Variants in NBEAL1 observed in about 807,000 individuals in gnomAD.
NBEAL1 encodes the protein neurobeachin-like protein 1.
A neutral mutation model predicts 351.3 loss-of-function variants in NBEAL1; 273 were observed. That is an observed-to-expected ratio of 0.78 (90% CI 0.70 to 0.86). The LOEUF is 0.86. Among genes scored for constraint, NBEAL1 ranks in the 40% least tolerant of loss-of-function variants. The pLI is 0.00. For synonymous variants in NBEAL1, 1,050 were observed against 1,086.4 expected (o/e 0.97, Z 0.66); for missense variants, 2,961 against 3,201.3 (o/e 0.92, Z 1.81).
chr2:203,189,640 G>C (rs997100563), intron 45 of NBEAL1, among the ~76,000 whole-genome samples: 75 of 151,974 alleles, frequency 4.9e-4, no homozygotes, highest in African/African-American at 1.7e-3. Context: ...TCCCGCCTCA[G>C]CCTCCCAAAG....
rs1044336842 is a variant in NBEAL1 at position 203,107,969 on chromosome 2, C to T, written c.1730C>T (p.Thr577Ile). 5 of 1,554,350 alleles carry T rather than the reference C, an allele frequency of 3.2e-6. No homozygotes were observed. The highest frequency in any genetic ancestry group is 4.4e-6 in the Non-Finnish European group (5 of 1,147,814). Residue 577 changes from threonine to isoleucine, a missense_variant, in exon 14 of 56, where the codon ACT becomes ATT. Physicochemically the swap from Thr to Ile is moderately conservative, Grantham distance 89. Transcript: ENST00000683969. ...TCTGAGTCTGTTCACCCTTATGTCA[C>T]TCCCGTGACTCGAGCAATCCTGACA... Reference protein sequence around the residue: ...DESESVHPYVTPVTRAILTMA... With the variant: ...DESESVHPYVIPVTRAILTMA...
At chr2:203,202,654 G>A (rs757306356) in intron 50 of NBEAL1, 33 bp from the exon 51 acceptor site, 3 of 1,209,384 alleles carry the variant, frequency 2.5e-6, no homozygotes, top group Non-Finnish European at 2.5e-6. Flanking sequence ...GCAAAACGAG[G>A]CATCTCATTT....
intron 2 of NBEAL1, among the ~76,000 whole-genome samples, chr2:203,029,557 T>C (rs538797023): frequency 2.6e-5 from 4 of 152,226 alleles, no homozygotes; most frequent in Admixed American, 6.5e-5. Context: ...CCGGGCACGA[T>C]GGCATGTGCC....
intron 53 of NBEAL1, among the ~76,000 whole-genome samples, chr2:203,210,182 G>C (rs527785063): frequency 6.6e-6 from 1 of 151,836 alleles, no homozygotes; most frequent in South Asian, 2.1e-4. Flanking sequence ...GGCCAACATG[G>C]TGAAACCCCA....
Position 203,038,460 on chromosome 2 carries a change from T to C in NBEAL1, c.52-3305T>C, listed in dbSNP as rs142713636. On this transcript the variant is annotated intron_variant, in intron 2 of 55. Transcript: ENST00000683969. ...GCATTTCTCTGGATAACTAATGATA[T>C]TGATCACAGATTAGGATGCTGTTTG... Among the ~76,000 whole-genome samples, 657 of 149,274 alleles carry C rather than the reference T, an allele frequency of 4.4e-3. 46 individuals carry two copies. Among genetic ancestry groups the C allele is most frequent in the Middle Eastern group, 0.031 (9 of 292 alleles).
rs944978264 is a variant in NBEAL1, at chr2:203,130,785, G to T, written c.3564+309G>T. Among the ~76,000 whole-genome samples, 3 of 152,130 alleles carry T rather than the reference G, an allele frequency of 2.0e-5. No individual in the cohort carries two copies. In the East Asian group the frequency reaches 5.8e-4, roughly 29 times the overall value. On this transcript the variant is annotated intron_variant, in intron 25 of 55. Transcript: ENST00000683969. ...AACATTTCAACAGCTAATAATAATA[G>T]CAAACTTTATGTAGCAACCACTATA...
At chr2:203,099,537 A>G in intron 11 of NBEAL1, 92 bp from the exon 12 acceptor site, 1 of 745,050 alleles carries the variant, frequency 1.3e-6, no homozygotes, top group South Asian at 1.8e-5. Flanking sequence ...TTAAGTAATT[A>G]TTTTTTCAGG....
In NBEAL1 at chr2:203,083,451, A is replaced by G. The variant is rs1414098266; in HGVS notation, c.917A>G (p.His306Arg). ...TATTTTAAATTGCTAAATTCAGATC[A>G]TTCAGCTTTACCTAATCAAAGGAGG... ...ENYFKLLNSD[H>R]SALPNQRRSR... Residue 306 changes from histidine (H) to arginine (R), a missense_variant, in exon 9 of 56, where the codon CAT (histidine) becomes CGT (arginine). By Grantham distance (29) the His-to-Arg change is conservative. Coordinates refer to ENST00000683969, the MANE Select transcript of NBEAL1 (RefSeq NM_001378026.1). 1.5e-5 allele frequency: 23 copies of G among 1,552,980 alleles called. No homozygotes were observed. The highest frequency in any genetic ancestry group is 2.0e-5 in the Non-Finnish European group (23 of 1,147,280).
chr2:203,127,311 A>C (rs1161232867), intron 23 of NBEAL1, among the ~76,000 whole-genome samples: 1 of 152,222 alleles, frequency 6.6e-6, no homozygotes, highest in Non-Finnish European at 1.5e-5. Flanking sequence ...ATTCACTGAA[A>C]CTCTTAACTC....
At chr2:203,087,070 T>G (rs1299128913) in intron 10 of NBEAL1, among the ~76,000 whole-genome samples, 2 of 151,920 alleles carry the variant, frequency 1.3e-5, no homozygotes, top group Non-Finnish European at 2.9e-5. Flanking sequence ...CAACATTTAC[T>G]TGTTTTCTCC....
intron 47 of NBEAL1, among the ~76,000 whole-genome samples, chr2:203,194,485 G>A (rs1418930446): frequency 6.6e-6 from 1 of 152,138 alleles, no homozygotes; most frequent in Non-Finnish European, 1.5e-5. Flanking sequence ...AAAATAAAAA[G>A]TTACTAAGAT....
chr2:203,101,343 G>C (rs1057460527), intron 12 of NBEAL1, among the ~76,000 whole-genome samples: 1 of 152,044 alleles, frequency 6.6e-6, no homozygotes, highest in Admixed American at 6.6e-5. Context: ...TTTCTTTTCT[G>C]TTCTACTGGT....
At chr2:203,194,151 G>T (rs898590298) in intron 47 of NBEAL1, among the ~76,000 whole-genome samples, 4 of 152,056 alleles carry the variant, frequency 2.6e-5, no homozygotes, top group East Asian at 1.9e-4. Flanking sequence ...TTTTCCTGAC[G>T]AAGAAGAATA....
intron 26 of NBEAL1, 91 bp downstream of exon 26, chr2:203,132,223 T>C (rs2063089614): frequency 3.5e-6 from 3 of 856,722 alleles, no homozygotes; most frequent in Middle Eastern, 2.6e-4. Flanking sequence ...TTTTAAAATA[T>C]CTGTTATTTG....
At chr2:203,084,670 A>T in intron 10 of NBEAL1, 101 bp downstream of exon 10, 1 of 564,410 alleles carries the variant, frequency 1.8e-6, no homozygotes, top group Non-Finnish European at 2.9e-6. Context: ...TTTATACTTA[A>T]TCTCTGTTTG....
At chr2:203,190,873 A>G (rs1224523686) in intron 46 of NBEAL1, 1 of 1,611,202 alleles carries the variant, frequency 6.2e-7, no homozygotes, top group Non-Finnish European at 8.5e-7. Flanking sequence ...GGCCCCCAAG[A>G]TCGGCCCCCT....
intron 36 of NBEAL1, among the ~76,000 whole-genome samples, chr2:203,159,602 A>G (rs953450277): frequency 6.6e-6 from 1 of 152,186 alleles, no homozygotes; most frequent in Non-Finnish European, 1.5e-5. Context: ...GTTATCCAGA[A>G]TATGGATAAT....
intron 27 of NBEAL1, among the ~76,000 whole-genome samples, chr2:203,135,185 AC>A (rs1192668992): frequency 1.3e-5 from 2 of 151,724 alleles, no homozygotes; most frequent in Non-Finnish European, 2.9e-5. Flanking sequence ...AAAAAAAAAA[AC>A]TTAACTTTCC....
At chr2:203,197,165 AAATT>A in intron 47 of NBEAL1, 133 bp from the exon 48 acceptor site, 1 of 511,452 alleles carries the variant, frequency 2.0e-6, no homozygotes. Context: ...CCTTCATTTT[AAATT>A]AATTGATTAG....
Sources: gnomAD v4.1 joint callset for allele counts (sites outside exome capture counted in the v4.1 genomes callset) on GRCh38, gnomAD v4.1.1 for gene constraint, MANE v1.5 for transcripts, NCBI Gene and HGNC (gene_info 2026-07-23, HGNC 2026-07-21) for gene names.